The following SEC11A variants were observed in gnomAD, a reference collection of about 807,000 sequenced individuals.
SEC11A encodes SEC11 homolog A, signal peptidase complex subunit.
Under a neutral mutation model 25.6 loss-of-function variants are expected in SEC11A, and 14 were observed. The observed-to-expected ratio is 0.55, with a 90% CI of 0.36 to 0.85. The LOEUF (loss-of-function observed/expected upper bound fraction) is 0.85, where lower values mean the gene tolerates loss of function less well. Among genes scored for constraint, SEC11A ranks in the 40% least tolerant of loss-of-function variants. The probability of loss-of-function intolerance (pLI) is 0.01; values close to 1 mark genes in which losing one functional copy is unlikely to be tolerated. For missense variants in SEC11A, 153 were observed against 222.9 expected, an observed-to-expected ratio of 0.69 and a Z score of 2.00; for synonymous variants, 83 against 76.4, an observed-to-expected ratio of 1.09 and a Z score of -0.45.
At chr15:84,710,628 A>C (rs1355844424) in intron 1 of SEC11A, among the ~76,000 whole-genome samples, 1 of 152,210 alleles carries the variant, frequency 6.6e-6, no homozygotes, top group Non-Finnish European at 1.5e-5. Context: ...ACAGAGCAAG[A>C]TTCTGTCTCA....
chr15:84,706,523 A>G (rs1898098837), intron 1 of SEC11A, among the ~76,000 whole-genome samples: 1 of 152,192 alleles, frequency 6.6e-6, no homozygotes, highest in African/African-American at 2.4e-5. Flanking sequence ...ACAACCCTTC[A>G]ATAAAGAAGG....
intron 1 of SEC11A, among the ~76,000 whole-genome samples, chr15:84,706,218 T>C (rs919354000): frequency 3.3e-5 from 5 of 152,000 alleles, no homozygotes; most frequent in African/African-American, 1.2e-4. Context: ...GATTTAAAGG[T>C]TTTAATTCAC....
intron 1 of SEC11A, among the ~76,000 whole-genome samples, chr15:84,695,260 C>T (rs1897734508): frequency 6.6e-6 from 1 of 150,786 alleles, no homozygotes; most frequent in Non-Finnish European, 1.5e-5. Context: ...GTTGGGAGTT[C>T]GAGACTAGCC....
At chr15:84,700,901 A>T (rs1340040664) in intron 1 of SEC11A, among the ~76,000 whole-genome samples, 1 of 147,024 alleles carries the variant, frequency 6.8e-6, no homozygotes, top group East Asian at 2.1e-4. Context: ...AGTCACTTGA[A>T]CCCGGAAGGC....
At chr15:84,696,408 G>A (rs1391574138) in intron 1 of SEC11A, among the ~76,000 whole-genome samples, 1 of 152,148 alleles carries the variant, frequency 6.6e-6, no homozygotes, top group African/African-American at 2.4e-5. Flanking sequence ...TCAACCAGAA[G>A]ATAAACAGTG....
chr15:84,679,730 A>C (rs1255311651), intron 4 of SEC11A, among the ~76,000 whole-genome samples: 1 of 152,248 alleles, frequency 6.6e-6, no homozygotes, highest in South Asian at 2.1e-4. Flanking sequence ...TCTTAGATAC[A>C]TAACCTAACT....
rs993926487 is a variant in SEC11A, at chr15:84,669,921, C to T, written c.*98G>A. 6 of 1,593,582 alleles carry T rather than the reference C, an allele frequency of 3.8e-6. No individual in the cohort carries two copies. Among genetic ancestry groups the T allele is most frequent in the East Asian group, 4.5e-5 (2 of 44,270 alleles). On this transcript the variant is annotated 3_prime_UTR_variant, in exon 6 of 6. Coordinates refer to ENST00000268220, the MANE Select transcript of SEC11A (RefSeq NM_014300.4). ...CCAGTGCTACCCAGAAGCACCAACA[C>T]GTGTGTTCTCCATTCCACCAATCAC...
At chr15:84,705,103 C>A (rs1439369884) in intron 1 of SEC11A, among the ~76,000 whole-genome samples, 1 of 151,966 alleles carries the variant, frequency 6.6e-6, no homozygotes, top group Non-Finnish European at 1.5e-5. Context: ...ACTTTAATTT[C>A]TTGTAGAGAC....
chr15:84,713,140 G>A (rs1238073172), intron 1 of SEC11A, among the ~76,000 whole-genome samples: 2 of 149,848 alleles, frequency 1.3e-5, no homozygotes, highest in Admixed American at 1.3e-4. Flanking sequence ...CTTGCAGTGA[G>A]TCAAGATTGC....
intron 1 of SEC11A, 89 bp downstream of exon 1, chr15:84,715,936 C>T (rs1720456939): frequency 3.9e-6 from 5 of 1,290,800 alleles, no homozygotes; most frequent in South Asian, 3.7e-5. Context: ...CAGACCCTCA[C>T]ACCAGAACCC....
At chr15:84,714,140 T>G (rs1898382408) in intron 1 of SEC11A, among the ~76,000 whole-genome samples, 1 of 146,910 alleles carries the variant, frequency 6.8e-6, no homozygotes, top group Admixed American at 7.0e-5. Flanking sequence ...CTCAGCCTCC[T>G]GAGTAGCTGG....
intron 1 of SEC11A, among the ~76,000 whole-genome samples, chr15:84,703,257 C>A (rs1195423970): frequency 6.6e-6 from 1 of 152,170 alleles, no homozygotes; most frequent in Non-Finnish European, 1.5e-5. Context: ...GCACCGGATG[C>A]CTGGACGCTG....
At chr15:84,710,135 T>A (rs1898216280) in intron 1 of SEC11A, among the ~76,000 whole-genome samples, 1 of 152,350 alleles carries the variant, frequency 6.6e-6, no homozygotes, top group African/African-American at 2.4e-5. Context: ...TCAGTTGTTT[T>A]AGATTATGTG....
intron 3 of SEC11A, among the ~76,000 whole-genome samples, chr15:84,682,294 T>C (rs777979358): frequency 1.9e-4 from 28 of 150,972 alleles, no homozygotes; most frequent in Non-Finnish European, 3.1e-4. Flanking sequence ...AAACAGTGGC[T>C]ATCTATGGCT....
intron 1 of SEC11A, among the ~76,000 whole-genome samples, chr15:84,699,734 G>C (rs1897872941): frequency 6.6e-6 from 1 of 151,850 alleles, no homozygotes; most frequent in Non-Finnish European, 1.5e-5. Flanking sequence ...AGACCTGCCT[G>C]GGCAATACAG....
chr15:84,710,131 G>A (rs1245040129), intron 1 of SEC11A, among the ~76,000 whole-genome samples: 1 of 152,196 alleles, frequency 6.6e-6, no homozygotes, highest in Non-Finnish European at 1.5e-5. Context: ...GTAATCAGTT[G>A]TTTTAGATTA....
intron 4 of SEC11A, 58 bp from the exon 5 acceptor site, chr15:84,670,840 A>G: frequency 1.3e-6 from 1 of 783,090 alleles, no homozygotes; most frequent in Non-Finnish European, 2.0e-6. Flanking sequence ...AGCTGTTGTC[A>G]CTCACTGAAT....
chr15:84,702,541 C>T (rs374559410), intron 1 of SEC11A, among the ~76,000 whole-genome samples: 4 of 151,818 alleles, frequency 2.6e-5, no homozygotes, highest in Non-Finnish European at 4.4e-5. Flanking sequence ...CTGGGCTCAA[C>T]AATCGTCCTG....
chr15:84,704,552 A>C (rs1394349737), intron 1 of SEC11A, among the ~76,000 whole-genome samples: 1 of 152,222 alleles, frequency 6.6e-6, no homozygotes, highest in Non-Finnish European at 1.5e-5. Context: ...GCAAAGCAAC[A>C]GAGGGCTTCC....
Sources: allele counts gnomAD v4.1 joint callset (sites outside exome capture counted in the v4.1 genomes callset), GRCh38; gene constraint gnomAD v4.1.1; transcripts MANE v1.5; gene names NCBI Gene and HGNC (gene_info 2026-07-23, HGNC 2026-07-21).